The following C1orf21 variants were observed in gnomAD, a reference collection of about 807,000 sequenced individuals.
C1orf21 encodes chromosome 1 open reading frame 21.
A neutral mutation model predicts 18.7 loss-of-function variants in C1orf21; 3 were observed. The observed-to-expected ratio is 0.16, with a 90% CI of 0.07 to 0.42. The LOEUF is 0.42. C1orf21 is among the 10% of genes least tolerant of loss of function. The pLI is 0.99. For synonymous variants in C1orf21, 41 were observed against 46.4 expected (o/e 0.88, Z 0.47); for missense variants, 104 against 143.6 (o/e 0.72, Z 1.41).
At chr1:184,538,026 G>A (rs1658586690) in intron 3 of C1orf21, among the ~76,000 whole-genome samples, 1 of 152,092 alleles carries the variant, frequency 6.6e-6, no homozygotes, top group Non-Finnish European at 1.5e-5. Context: ...TTAATGTTTT[G>A]AGGAGCTGCC....
intron 3 of C1orf21, among the ~76,000 whole-genome samples, chr1:184,520,702 G>T (rs576257973): frequency 1.1e-3 from 153 of 136,754 alleles, no homozygotes; most frequent in African/African-American, 4.0e-3. Flanking sequence ...CTTATTTATT[G>T]TACTTTAAAT....
chr1:184,603,860 A>ATT (rs1659616672), intron 5 of C1orf21, among the ~76,000 whole-genome samples: 2 of 152,270 alleles, frequency 1.3e-5, no homozygotes. Flanking sequence ...TCTATTGAAC[A>ATT]GTCATTTACA....
intron 3 of C1orf21, among the ~76,000 whole-genome samples, chr1:184,530,925 G>A (rs984893512): frequency 6.6e-6 from 1 of 152,030 alleles, no homozygotes; most frequent in Non-Finnish European, 1.5e-5. Flanking sequence ...GATGCAGGCA[G>A]AAACATTTTG....
intron 1 of C1orf21, among the ~76,000 whole-genome samples, chr1:184,459,773 G>A (rs890875727): frequency 3.9e-5 from 6 of 152,148 alleles, no homozygotes; most frequent in Non-Finnish European, 8.8e-5. Flanking sequence ...AAAGAGCTGC[G>A]AGCCCTAGGA....
chr1:184,575,992 G>A (rs1435850037), intron 3 of C1orf21, among the ~76,000 whole-genome samples: 2 of 152,204 alleles, frequency 1.3e-5, no homozygotes, highest in African/African-American at 4.8e-5. Flanking sequence ...GCAAAAATGG[G>A]AGACGGGGAC....
intron 3 of C1orf21, among the ~76,000 whole-genome samples, chr1:184,581,826 G>A (rs909412823): frequency 6.6e-6 from 1 of 152,118 alleles, no homozygotes; most frequent in African/African-American, 2.4e-5. Context: ...AAACTGATTT[G>A]CCCCACTTCA....
intron 1 of C1orf21, among the ~76,000 whole-genome samples, chr1:184,406,097 C>G (rs1387194158): frequency 1.3e-5 from 2 of 152,098 alleles, no homozygotes; most frequent in African/African-American, 4.8e-5. Flanking sequence ...TTTTATGATC[C>G]TCTGTGTGAA....
chr1:184,594,953 A>G (rs935357505), intron 4 of C1orf21, among the ~76,000 whole-genome samples: 2 of 152,134 alleles, frequency 1.3e-5, no homozygotes, highest in Non-Finnish European at 2.9e-5. Context: ...CCATTCATTA[A>G]TTTGTTTACT....
At chr1:184,478,467 A>G (rs781071732) in intron 2 of C1orf21, among the ~76,000 whole-genome samples, 1 of 152,174 alleles carries the variant, frequency 6.6e-6, no homozygotes, top group Non-Finnish European at 1.5e-5. Context: ...AAATCAGGAT[A>G]TTTCACATAA....
chr1:184,579,013 A>C (rs1659234335), intron 3 of C1orf21, among the ~76,000 whole-genome samples: 1 of 147,384 alleles, frequency 6.8e-6, no homozygotes, highest in Non-Finnish European at 1.5e-5. Context: ...AAAAAAAAAA[A>C]AGAACTGAGC....
chr1:184,507,542 A>G (rs777535868), intron 2 of C1orf21, 46 bp from the exon 3 acceptor site: 1 of 1,508,090 alleles, frequency 6.6e-7, no homozygotes, highest in Non-Finnish European at 9.0e-7. Flanking sequence ...CTTTTCTACT[A>G]TTGGGAAAAA....
Position 184,471,757 on chromosome 1 carries a change from G to A in C1orf21, c.-124-5629G>A, listed in dbSNP as rs185732569. Among the ~76,000 whole-genome samples the A allele has an allele frequency of 6.6e-5, 10 of 152,304 alleles. No individual in the cohort carries two copies. The East Asian group carries it at 1.3e-3, about 21-fold the overall frequency. ...CTGTAGAATTACTATATGTGGACAT[G>A]AGAGTTTTCCCATAAAGAAGGCAGA... is the stretch of plus-strand genomic sequence containing the variant. On this transcript the variant is annotated intron_variant, in intron 1 of 5. Transcript: ENST00000235307.
intron 1 of C1orf21, among the ~76,000 whole-genome samples, chr1:184,461,043 A>T (rs1384844061): frequency 6.6e-6 from 1 of 152,084 alleles, no homozygotes; most frequent in African/African-American, 2.4e-5. Flanking sequence ...CAGTATTGTC[A>T]GTATCAGCAC....
chr1:184,440,778 C>G (rs1055128237), intron 1 of C1orf21, among the ~76,000 whole-genome samples: 1 of 152,082 alleles, frequency 6.6e-6, no homozygotes, highest in East Asian at 1.9e-4. Context: ...GTTACGTATT[C>G]AACACTTATG....
intron 3 of C1orf21, among the ~76,000 whole-genome samples, chr1:184,537,585 G>C (rs915562813): frequency 2.0e-5 from 3 of 152,130 alleles, no homozygotes; most frequent in Non-Finnish European, 2.9e-5. Flanking sequence ...TTTAGCTATT[G>C]TGAATAATGC....
intron 1 of C1orf21, among the ~76,000 whole-genome samples, chr1:184,431,466 A>T (rs1234457036): frequency 2.6e-5 from 4 of 152,182 alleles, no homozygotes; most frequent in Non-Finnish European, 4.4e-5. Context: ...ACAAAAATTA[A>T]CTCAAGATGG....
At chr1:184,395,086 G>T (rs1656030644) in intron 1 of C1orf21, among the ~76,000 whole-genome samples, 2 of 152,048 alleles carry the variant, frequency 1.3e-5, no homozygotes, top group Non-Finnish European at 2.9e-5. Context: ...CCTCCAAGGA[G>T]CCCTTTTTCT....
chr1:184,483,816 TTC>T lies in C1orf21; in HGVS notation c.94+6215_94+6216del, dbSNP rs1488827569. On this transcript the variant is annotated intron_variant, in intron 2 of 5. Transcript: ENST00000235307. ...TTGGTATTAAATCTTCTCTAGAACT[TTC>T]TGTTTGTGCCAATAAATCCCAAATC... Among the ~76,000 whole-genome samples, 5 of 152,044 alleles carry T rather than the reference TTC, an allele frequency of 3.3e-5. No individual in the cohort carries two copies. The East Asian group carries it at 9.7e-4, about 29-fold the overall frequency.
At chr1:184,565,482 C>T (rs1262280693) in intron 3 of C1orf21, among the ~76,000 whole-genome samples, 2 of 152,210 alleles carry the variant, frequency 1.3e-5, no homozygotes, top group African/African-American at 4.8e-5. Flanking sequence ...TTCTCTAGAC[C>T]TCACCATGCA....
Sources: allele counts gnomAD v4.1 joint callset (sites outside exome capture counted in the v4.1 genomes callset), GRCh38; gene constraint gnomAD v4.1.1; transcripts MANE v1.5; gene names NCBI Gene and HGNC (gene_info 2026-07-23, HGNC 2026-07-21).